The following RFTN1 variants were observed in gnomAD, a reference collection of about 807,000 sequenced individuals.
RFTN1 encodes raftlin.
A neutral mutation model predicts 46.5 loss-of-function variants in RFTN1; 26 were observed. The observed-to-expected ratio is 0.56, with a 90% CI of 0.41 to 0.78. The LOEUF is 0.78. RFTN1 is among the 30% of genes least tolerant of loss of function. The probability of loss-of-function intolerance (pLI) is 0.00; values close to 1 mark genes in which losing one functional copy is unlikely to be tolerated. For missense variants in RFTN1, 693 were observed against 718.7 expected, an observed-to-expected ratio of 0.96 and a Z score of 0.41; for synonymous variants, 261 against 284.2, an observed-to-expected ratio of 0.92 and a Z score of 0.82.
rs2076265501 is a variant in RFTN1, at chr3:16,475,468, CT to C, written c.145+18256del. On this transcript the variant is annotated intron_variant, in intron 2 of 9. Transcript: ENST00000334133. This position sits in a 1 kb window ranked among gnomAD's most constrained non-coding sequence, Gnocchi z 4.2. ...GAGATTGCCCCTTGGCTATTTTAGA[CT>C]ACCAATGCCACAGAAACAAAAGGCA... is the stretch of plus-strand genomic sequence containing the variant. Among the ~76,000 whole-genome samples, 1 of 152,182 alleles carries C rather than the reference CT, an allele frequency of 6.6e-6. No homozygotes were observed. The highest frequency in any genetic ancestry group is 2.1e-4 in the South Asian group (1 of 4,822).
chr3:16,340,237 T>C (rs1329687934), intron 7 of RFTN1, among the ~76,000 whole-genome samples: 1 of 152,244 alleles, frequency 6.6e-6, no homozygotes, highest in Non-Finnish European at 1.5e-5. Flanking sequence ...CTTTGGCCAA[T>C]AGTACATTAA....
At chr3:16,359,753 A>T (rs972206199) in intron 6 of RFTN1, among the ~76,000 whole-genome samples, 11 of 152,174 alleles carry the variant, frequency 7.2e-5, no homozygotes, top group African/African-American at 2.7e-4. Flanking sequence ...AACAAAGCGC[A>T]TTTCAATGAT....
intron 2 of RFTN1, chr3:16,482,719 T>G: frequency 6.8e-7 from 1 of 1,470,600 alleles, no homozygotes; most frequent in East Asian, 2.5e-5. Flanking sequence ...TTACTGTTGC[T>G]ACTGTTAACA....
rs1343544684 is a variant in RFTN1 at position 16,321,614 on chromosome 3, G to A, written c.1332+1762C>T. 6.6e-6 allele frequency among the ~76,000 whole-genome samples: 1 copy of A among 152,198 alleles called. No homozygotes were observed. The highest frequency in any genetic ancestry group is 1.5e-5 in the Non-Finnish European group (1 of 68,030). On this transcript the variant is annotated intron_variant, in intron 9 of 9. Transcript: ENST00000334133. The surrounding 1 kb of genome is among the most constrained non-coding windows in gnomAD (Gnocchi z 4.8). ...CCCCCTCTCTGGAGGACTCCCATCT[G>A]TGAGGTGACCCAGAGGGTCTTGTGT...
chr3:16,377,609 C>G, intron 5 of RFTN1, 109 bp downstream of exon 5: 1 of 1,486,692 alleles, frequency 6.7e-7, no homozygotes, highest in Admixed American at 2.3e-5. Context: ...GGACTGCTGT[C>G]TCTACACTCT....
intron 4 of RFTN1, 85 bp downstream of exon 4, chr3:16,409,290 G>T: frequency 1.1e-6 from 1 of 914,138 alleles, no homozygotes; most frequent in Non-Finnish European, 1.8e-6. Flanking sequence ...GAGTGTGGCT[G>T]ATCTGTCCTA....
At position 16,330,318 on chromosome 3, in the gene RFTN1, A is replaced by T. The variant is rs560965890; in HGVS notation, c.1147-3442T>A. ...ATTAATGTTAAATGTGATTTTCCGT[A>T]AGCATCTATCACAGCCCGTTTGCAT... On this transcript the variant is annotated intron_variant, in intron 7 of 9. Transcript: ENST00000334133. Among the ~76,000 whole-genome samples, 223 of 152,364 alleles carry T rather than the reference A, an allele frequency of 1.5e-3. 1 individual carries two copies. Among genetic ancestry groups the T allele is most frequent in the African/African-American group, 5.0e-3 (207 of 41,578 alleles).
In RFTN1 at chr3:16,400,813, A is replaced by T. The variant is rs1022892482; in HGVS notation, c.441+8562T>A. Among the ~76,000 whole-genome samples the T allele has an allele frequency of 2.0e-5, 3 of 152,140 alleles. No homozygotes were observed. Reference sequence around the variant, plus strand: ...GAGGCCAGGGTGGGAGAGGAACTTCATAAGAAAACAGCGGCCTCCAGGCAG... The same window carrying T: ...GAGGCCAGGGTGGGAGAGGAACTTCTTAAGAAAACAGCGGCCTCCAGGCAG... On this transcript the variant is annotated intron_variant, in intron 4 of 9. Coordinates refer to ENST00000334133, the MANE Select transcript of RFTN1 (RefSeq NM_015150.2). This position sits in a 1 kb window ranked among gnomAD's most constrained non-coding sequence, Gnocchi z 4.5.
chr3:16,493,669 C>A, intron 2 of RFTN1, 56 bp downstream of exon 2: 1 of 1,437,028 alleles, frequency 7.0e-7, no homozygotes. Flanking sequence ...CCATCCCCTG[C>A]AGGCCCCTGC....
chr3:16,404,084 T>G (rs1489731193), intron 4 of RFTN1, among the ~76,000 whole-genome samples: 1 of 3,140 alleles, frequency 3.2e-4, no homozygotes, highest in Non-Finnish European at 6.1e-4. Flanking sequence ...ATATATATAT[T>G]TTATATATTA....
intron 4 of RFTN1, among the ~76,000 whole-genome samples, chr3:16,405,766 T>C (rs1466101160): frequency 6.6e-6 from 1 of 152,206 alleles, no homozygotes; most frequent in African/African-American, 2.4e-5. Flanking sequence ...AGTTTAATTC[T>C]AATATGCAGA....
chr3:16,474,105 C>G lies in RFTN1; in HGVS notation c.145+19620G>C, dbSNP rs1329124874. Reference sequence around the variant, plus strand: ...GAGGAAATCTTGCACTTACATTTGACTCTTCTTTGCATTTGGTATAAAAAT... The same window carrying G: ...GAGGAAATCTTGCACTTACATTTGAGTCTTCTTTGCATTTGGTATAAAAAT... On this transcript the variant is annotated intron_variant, in intron 2 of 9. Coordinates refer to ENST00000334133, the MANE Select transcript of RFTN1 (RefSeq NM_015150.2). This position sits in a 1 kb window ranked among gnomAD's most constrained non-coding sequence, Gnocchi z 5.5. Among the ~76,000 whole-genome samples, 1 of 152,206 alleles carries G rather than the reference C, an allele frequency of 6.6e-6. No homozygotes were observed. Among genetic ancestry groups the G allele is most frequent in the Non-Finnish European group, 1.5e-5 (1 of 68,026 alleles).
intron 8 of RFTN1, among the ~76,000 whole-genome samples, chr3:16,326,100 A>G (rs2069661970): frequency 6.6e-6 from 1 of 152,202 alleles, no homozygotes; most frequent in Non-Finnish European, 1.5e-5. Context: ...CATGCTTACA[A>G]CCCCACAGGG....
At chr3:16,354,637 C>G (rs1265489709) in intron 7 of RFTN1, among the ~76,000 whole-genome samples, 1 of 152,244 alleles carries the variant, frequency 6.6e-6, no homozygotes, top group Non-Finnish European at 1.5e-5. Context: ...GCACCAATCT[C>G]CCTATCAAAC....
At chr3:16,491,744 T>C (rs1402009572) in intron 2 of RFTN1, among the ~76,000 whole-genome samples, 2 of 149,744 alleles carry the variant, frequency 1.3e-5, no homozygotes, top group South Asian at 4.3e-4. Flanking sequence ...ATAACCACGA[T>C]GCAAAAAACA....
intron 3 of RFTN1, among the ~76,000 whole-genome samples, chr3:16,431,249 T>A (rs1352161003): frequency 6.6e-6 from 1 of 152,096 alleles, no homozygotes; most frequent in Non-Finnish European, 1.5e-5. Flanking sequence ...CTCCTAGGAG[T>A]AAAGTGGCAA....
chr3:16,371,915 G>T (rs141505304), intron 5 of RFTN1, among the ~76,000 whole-genome samples: 5 of 152,158 alleles, frequency 3.3e-5, no homozygotes, highest in African/African-American at 9.7e-5. Flanking sequence ...GAAATGGAGC[G>T]ACACAGAGGA....
Position 16,410,149 on chromosome 3 carries a change from T to C in RFTN1, c.333-666A>G, listed in dbSNP as rs2074953796. Among the ~76,000 whole-genome samples the C allele has an allele frequency of 6.6e-6, 1 of 151,828 alleles. No homozygotes were observed. Among genetic ancestry groups the C allele is most frequent in the African/African-American group, 2.4e-5 (1 of 41,286 alleles). On this transcript the variant is annotated intron_variant, in intron 3 of 9. Transcript: ENST00000334133. The surrounding 1 kb of genome is among the most constrained non-coding windows in gnomAD (Gnocchi z 4.6). ...ACATCATAGTAAGACCTCTAAGATG[T>C]AGCATCATGTAAAACACATCATTAT...
Position 16,337,394 on chromosome 3 carries a change from T to C in RFTN1, c.1147-10518A>G, listed in dbSNP as rs958752790. On this transcript the variant is annotated intron_variant, in intron 7 of 9. Transcript: ENST00000334133. This position sits in a 1 kb window ranked among gnomAD's most constrained non-coding sequence, Gnocchi z 5.0. ...GGTGTATTACTATTATTACTATTAT[T>C]CTAAGAACCAAATACCAGGCAAACC... 6.6e-6 allele frequency: 1 copy of C among 152,168 alleles called. No homozygotes were observed. The highest frequency in any genetic ancestry group is 6.5e-5 in the Admixed American group (1 of 15,280). 9.4% of individuals were successfully genotyped at this position (152,168 alleles called of 1,614,324 possible). A position where few individuals can be genotyped will look rare whatever the true frequency, so the allele number is the denominator to read the frequency against.
Sources: gnomAD v4.1 joint callset for allele counts (sites outside exome capture counted in the v4.1 genomes callset) on GRCh38, gnomAD v4.1.1 for gene constraint, Gnocchi (gnomAD v3.1) non-coding constraint, MANE v1.5 for transcripts, NCBI Gene and HGNC (gene_info 2026-07-23, HGNC 2026-07-21) for gene names.